CAMK2G: variants seen among roughly 807,000 people sequenced by gnomAD.
CAMK2G encodes calcium/calmodulin-dependent protein kinase type II subunit gamma.
In CAMK2G, 23 loss-of-function variants were observed where a neutral mutation model predicts 88.7. The ratio of observed to expected loss-of-function variants is 0.26; its 90% CI spans 0.19 to 0.37. CAMK2G has a LOEUF of 0.37. CAMK2G is among the 10% of genes least tolerant of loss of function. CAMK2G has a pLI of 1.00. For synonymous variants in CAMK2G, 263 were observed against 294.8 expected (o/e 0.89, Z 1.11); for missense variants, 476 against 780.8 (o/e 0.61, Z 4.65).
At chr10:73,816,809 C>A in intron 21 of CAMK2G, 1 of 1,525,642 alleles carries the variant, frequency 6.6e-7, no homozygotes, top group South Asian at 1.2e-5. Context: ...AAAGCAGCTG[C>A]AGAATGAATG....
At chr10:73,821,532 C>T (rs758834975) in intron 18 of CAMK2G, 150 bp downstream of exon 18, 4 of 629,754 alleles carry the variant, frequency 6.4e-6, no homozygotes, top group South Asian at 1.9e-5. Flanking sequence ...TATCTTGGCT[C>T]GTGGAAAGTA....
chr10:73,832,541 G>A (rs993798868), intron 14 of CAMK2G, among the ~76,000 whole-genome samples: 1 of 151,998 alleles, frequency 6.6e-6, no homozygotes, highest in African/African-American at 2.4e-5. Flanking sequence ...TCCTGACCTC[G>A]TGATCTGTCT....
chr10:73,873,098 G>C lies in CAMK2G; in HGVS notation c.66-15C>G. The C allele has an allele frequency of 6.4e-7, 1 of 1,565,550 alleles. No individual in the cohort carries two copies. Among genetic ancestry groups the C allele is most frequent in the South Asian group, 1.1e-5 (1 of 90,166 alleles). The stretch of plus-strand genomic sequence containing the variant: ...AGAAAGCACCCCTGGAGGGAGAAGG[G>C]GAAAAGAACTGGGACACGGAGCAGG... On this transcript the variant is annotated splice_polypyrimidine_tract_variant and intron_variant, in intron 1 of 22. Coordinates refer to ENST00000423381, the MANE Select transcript of CAMK2G (RefSeq NM_001367534.1).
At position 73,824,173 on chromosome 10, in the gene CAMK2G, G is replaced by A. The variant is rs192960315; in HGVS notation, c.1156-89C>T. 69 of 942,450 alleles carry A rather than the reference G, an allele frequency of 7.3e-5. No homozygotes were observed. In the Admixed American group the frequency reaches 8.1e-4, roughly 11 times the overall value. 58.4% of individuals were successfully genotyped at this position (942,450 alleles called of 1,614,324 possible). A position where few individuals can be genotyped will look rare whatever the true frequency, so the allele number is the denominator to read the frequency against. ...GCCCCACCTGCACCCCAGGACCCCC[G>A]CAGACCCTATGATGACCACTGAGGC... On this transcript the variant is annotated intron_variant, in intron 16 of 22. Transcript: ENST00000423381.
rs537527520 is a variant in CAMK2G at position 73,839,060 on chromosome 10, A to G, written c.1009+479T>C. On this transcript the variant is annotated intron_variant, in intron 13 of 22. Coordinates refer to ENST00000423381, the MANE Select transcript of CAMK2G (RefSeq NM_001367534.1). The surrounding 1 kb of genome is among the most constrained non-coding windows in gnomAD (Gnocchi z 4.2). ...TGGCAGGGCTAGGATGTGAACCCAG[A>G]AACAGCTGGCTCTGAGGCTTCTGCA... 6.6e-6 allele frequency among the ~76,000 whole-genome samples: 1 copy of G among 152,190 alleles called. No individual in the cohort carries two copies. The highest frequency in any genetic ancestry group is 1.5e-5 in the Non-Finnish European group (1 of 68,034).
chr10:73,858,098 G>C (rs551140762), intron 3 of CAMK2G, among the ~76,000 whole-genome samples: 1 of 152,228 alleles, frequency 6.6e-6, no homozygotes, highest in South Asian at 2.1e-4. Context: ...TTTATATCAG[G>C]GTTCACTCTT....
intron 3 of CAMK2G, among the ~76,000 whole-genome samples, chr10:73,858,545 C>T (rs1462792176): frequency 6.6e-6 from 1 of 152,180 alleles, no homozygotes; most frequent in East Asian, 1.9e-4. Context: ...CTTCCCTCTG[C>T]CCACCCTCAA....
At chr10:73,853,337 T>C in intron 3 of CAMK2G, 91 bp from the exon 4 acceptor site, 1 of 1,162,578 alleles carries the variant, frequency 8.6e-7, no homozygotes, top group Non-Finnish European at 1.3e-6. Flanking sequence ...TGCCCCATCC[T>C]GTCGGGCTCA....
intron 18 of CAMK2G, among the ~76,000 whole-genome samples, chr10:73,820,458 T>A (rs1322892276): frequency 1.0e-5 from 1 of 99,430 alleles, no homozygotes; most frequent in African/African-American, 4.9e-5. Context: ...TATCTGGGTT[T>A]TATATTTATA....
rs141800620 is a variant in CAMK2G, at chr10:73,845,994, G to A, written c.819+1231C>T. ...CTATTCACAGGTGCAATCATAGCTCGCTGCAGCCTCAAACTCCTGGGCTTA... is the reference window on the plus strand; with the variant it reads ...CTATTCACAGGTGCAATCATAGCTCACTGCAGCCTCAAACTCCTGGGCTTA... On this transcript the variant is annotated intron_variant, in intron 10 of 22. Coordinates refer to ENST00000423381, the MANE Select transcript of CAMK2G (RefSeq NM_001367534.1). Among the ~76,000 whole-genome samples the A allele has an allele frequency of 8.7e-5, 13 of 148,888 alleles. No individual in the cohort carries two copies. In the East Asian group the frequency reaches 1.8e-3, roughly 20 times the overall value.
chr10:73,857,784 C>T (rs1371562274), intron 3 of CAMK2G, among the ~76,000 whole-genome samples: 2 of 152,204 alleles, frequency 1.3e-5, no homozygotes, highest in African/African-American at 4.8e-5. Flanking sequence ...CTCTCAACTC[C>T]CCACCACTGG....
chr10:73,820,492 A>ATATATATTT (rs1554995765), intron 18 of CAMK2G, among the ~76,000 whole-genome samples: 31 of 51,054 alleles, frequency 6.1e-4, no homozygotes, highest in East Asian at 1.1e-3. Flanking sequence ...ATATATATAT[A>ATATATATTT]TTTTTTTTTT....
intron 4 of CAMK2G, chr10:73,852,569 G>A: frequency 1.9e-6 from 1 of 517,012 alleles, no homozygotes; most frequent in Non-Finnish European, 3.5e-6. Flanking sequence ...TAATAGTCAG[G>A]CAGAGATGAA....
chr10:73,867,422 G>A (rs977666324), intron 2 of CAMK2G, among the ~76,000 whole-genome samples: 2 of 152,248 alleles, frequency 1.3e-5, no homozygotes, highest in African/African-American at 2.4e-5. Flanking sequence ...GGCTCCCGGT[G>A]CCTGCAGCCT....
At chr10:73,870,020 G>A (rs1030801231) in intron 2 of CAMK2G, among the ~76,000 whole-genome samples, 1 of 152,244 alleles carries the variant, frequency 6.6e-6, no homozygotes, top group African/African-American at 2.4e-5. Context: ...TATAAGCAAA[G>A]AGAGCAGGAT....
At position 73,848,892 on chromosome 10, in the gene CAMK2G, A is replaced by G; in HGVS notation, c.517+121T>C. On this transcript the variant is annotated intron_variant, in intron 7 of 22. Coordinates refer to ENST00000423381, the MANE Select transcript of CAMK2G (RefSeq NM_001367534.1). The surrounding 1 kb of genome is among the most constrained non-coding windows in gnomAD (Gnocchi z 4.5). ...TTACTGTACTGAGTCGCGTACGGCC[A>G]AGAGAGATCTCGGAGGCCAGGACCA... 2.6e-6 allele frequency: 2 copies of G among 768,384 alleles called. No individual in the cohort carries two copies. Among genetic ancestry groups the G allele is most frequent in the Non-Finnish European group, 2.4e-6 (1 of 419,872 alleles). 47.6% of individuals were successfully genotyped at this position (768,384 alleles called of 1,614,324 possible).
chr10:73,829,717 G>A (rs947135363), intron 14 of CAMK2G, among the ~76,000 whole-genome samples: 3 of 151,516 alleles, frequency 2.0e-5, no homozygotes, highest in Non-Finnish European at 2.9e-5. Flanking sequence ...GTGTGTGTGT[G>A]TGTGTGTGTG....
At chr10:73,860,198 G>A (rs1424638839) in intron 3 of CAMK2G, among the ~76,000 whole-genome samples, 1 of 152,206 alleles carries the variant, frequency 6.6e-6, no homozygotes, top group Non-Finnish European at 1.5e-5. Context: ...AGTGGGTTGA[G>A]GCAGGCAAAC....
At position 73,814,046 on chromosome 10, in the gene CAMK2G, A is replaced by G. The variant is rs1288878902; in HGVS notation, c.*472T>C. 1.3e-5 allele frequency: 2 copies of G among 152,290 alleles called. No individual in the cohort carries two copies. The highest frequency in any genetic ancestry group is 3.9e-4 in the East Asian group (2 of 5,180). The allele number at this position is 152,290 out of a possible 1,614,324, so 9.4% of individuals were successfully genotyped here. ...TTCCTAGACCTGGGGTAAGCAGGCC[A>G]CCTCAGGAGCTGCAATCACATCACG... is the stretch of plus-strand genomic sequence containing the variant. On this transcript the variant is annotated 3_prime_UTR_variant, in exon 23 of 23. Coordinates refer to ENST00000423381, the MANE Select transcript of CAMK2G (RefSeq NM_001367534.1).
Sources: allele counts gnomAD v4.1 joint callset (sites outside exome capture counted in the v4.1 genomes callset), GRCh38; gene constraint gnomAD v4.1.1; non-coding constraint Gnocchi (gnomAD v3.1); transcripts MANE v1.5; gene names NCBI Gene and HGNC (gene_info 2026-07-23, HGNC 2026-07-21).